The following KLRG1 variants were observed in gnomAD, a reference collection of about 807,000 sequenced individuals.
KLRG1 encodes killer cell lectin-like receptor subfamily G member 1.
KLRG1 carries 16 observed loss-of-function variants against 21.8 expected under a neutral mutation model. The ratio of observed to expected loss-of-function variants is 0.73; its 90% confidence interval spans 0.50 to 1.11. The LOEUF is 1.11. Ranked by LOEUF, KLRG1 falls within the 50% of genes most tolerant of loss-of-function variation. KLRG1 has a pLI of 0.00. For synonymous variants in KLRG1, 69 were observed against 75.9 expected (o/e 0.91, Z 0.47); for missense variants, 173 against 218.3 (o/e 0.79, Z 1.31).
At chr12:9,098,780 A>G in the KLRG1 span, 3 of 1,609,150 alleles carry the variant, frequency 1.9e-6, no homozygotes, top group Non-Finnish European at 2.5e-6. Context: ...ACAAAAGGTC[A>G]GAAAAGCAAA....
chr12:8,957,022 G>C (rs1486686822), intron 1 of KLRG1, among the ~76,000 whole-genome samples: 1 of 152,228 alleles, frequency 6.6e-6, no homozygotes, highest in Non-Finnish European at 1.5e-5. Flanking sequence ...GTGGTCACGA[G>C]TGAATCTTGA....
chr12:9,173,182 C>T, the KLRG1 span, among the ~76,000 whole-genome samples: 1 of 152,200 alleles, frequency 6.6e-6, no homozygotes, highest in Non-Finnish European at 1.5e-5. Flanking sequence ...CTCAAAACCA[C>T]ACAACTATAT....
the KLRG1 span, chr12:9,101,046 A>T: frequency 8.7e-7 from 1 of 1,151,414 alleles, no homozygotes; most frequent in Non-Finnish European, 1.2e-6. Flanking sequence ...TCCCCCAAAA[A>T]CCTATGGAAA....
the KLRG1 span, among the ~76,000 whole-genome samples, chr12:9,119,956 C>T: frequency 6.6e-6 from 1 of 152,190 alleles, no homozygotes; most frequent in Non-Finnish European, 1.5e-5. Context: ...CTACTTCTAA[C>T]TTAGCTGTGT....
the KLRG1 span, chr12:9,089,268 G>A: frequency 6.4e-7 from 1 of 1,562,708 alleles, no homozygotes; most frequent in Non-Finnish European, 8.7e-7. Context: ...GTAAAAGAAA[G>A]AAAAGCTAGT....
chr12:9,108,472 G>C, the KLRG1 span, among the ~76,000 whole-genome samples: 7 of 152,158 alleles, frequency 4.6e-5, no homozygotes, highest in East Asian at 1.3e-3. Flanking sequence ...ATATGTCATA[G>C]ACAATTGCTG....
At chr12:9,152,710 A>G in the KLRG1 span, 294 of 1,111,064 alleles carry the variant, frequency 2.6e-4, 2 homozygotes, top group African/African-American at 4.2e-3. Flanking sequence ...TTATAGATAT[A>G]TCAATTCTAA....
chr12:9,028,882 G>A, the KLRG1 span: 14 of 639,008 alleles, frequency 2.2e-5, no homozygotes, highest in South Asian at 5.5e-5. Flanking sequence ...ATTCGTGGCC[G>A]CATCCACCTC....
the KLRG1 span, chr12:9,027,947 C>T: frequency 2.2e-6 from 2 of 915,690 alleles, no homozygotes; most frequent in Non-Finnish European, 3.6e-6. Context: ...CTTGCTTTGA[C>T]AGTGCTTTCC....
the KLRG1 span, among the ~76,000 whole-genome samples, chr12:9,184,596 G>T: frequency 6.6e-6 from 1 of 152,246 alleles, no homozygotes; most frequent in Admixed American, 6.5e-5. Flanking sequence ...CATGCTGCTG[G>T]TACATGTGAA....
At chr12:9,196,815 T>G in the KLRG1 span, 1 of 807,932 alleles carries the variant, frequency 1.2e-6, no homozygotes, top group South Asian at 1.6e-5. Flanking sequence ...CTTCGAGAAC[T>G]TAATACTCAT....
chr12:9,148,220 G>A, the KLRG1 span, among the ~76,000 whole-genome samples: 1 of 152,008 alleles, frequency 6.6e-6, no homozygotes, highest in Non-Finnish European at 1.5e-5. Context: ...ACTTCATATA[G>A]TTGTCATATG....
At chr12:9,126,371 G>A in the KLRG1 span, among the ~76,000 whole-genome samples, 422 of 152,288 alleles carry the variant, frequency 2.8e-3, 2 homozygotes, top group African/African-American at 9.5e-3. Context: ...GACACAATGT[G>A]TATGAAGCAA....
the KLRG1 span, chr12:9,196,191 A>G: frequency 1.8e-6 from 1 of 552,252 alleles, no homozygotes; most frequent in Non-Finnish European, 3.2e-6. Context: ...TTAGAAAGGA[A>G]AGTATTTCTC....
At chr12:9,093,913 AAAC>A in the KLRG1 span, among the ~76,000 whole-genome samples, 6 of 151,198 alleles carry the variant, frequency 4.0e-5, no homozygotes, top group Non-Finnish European at 7.4e-5. Context: ...ACAAACAAAC[AAAC>A]AACAAAAAAA....
At chr12:8,996,928 T>C (rs985138254) in intron 3 of KLRG1, among the ~76,000 whole-genome samples, 2 of 152,180 alleles carry the variant, frequency 1.3e-5, no homozygotes, top group African/African-American at 4.8e-5. Context: ...TCGTGAGTCA[T>C]AGCACAAGAC....
the KLRG1 span, chr12:9,165,411 C>T: frequency 6.2e-7 from 1 of 1,603,714 alleles, no homozygotes; most frequent in Non-Finnish European, 8.5e-7. Flanking sequence ...TGAATGTAAG[C>T]CACCTTTTCT....
the KLRG1 span, among the ~76,000 whole-genome samples, chr12:9,105,879 A>G: frequency 6.6e-6 from 1 of 152,160 alleles, no homozygotes; most frequent in Non-Finnish European, 1.5e-5. Flanking sequence ...GGTCAGCATG[A>G]ATTTTGAGAT....
chr12:9,151,678 G>T, the KLRG1 span: 17 of 1,612,442 alleles, frequency 1.1e-5, no homozygotes, highest in Non-Finnish European at 1.4e-5. Flanking sequence ...TCAAGCTGGA[G>T]AGAATTAGAA....
Sources: gnomAD v4.1 joint callset for allele counts (sites outside exome capture counted in the v4.1 genomes callset) on GRCh38, gnomAD v4.1.1 for gene constraint, MANE v1.5 for transcripts, NCBI Gene and HGNC (gene_info 2026-07-23, HGNC 2026-07-21) for gene names.